The following NFYA variants were observed in gnomAD, a reference collection of about 807,000 sequenced individuals.
The protein encoded by NFYA is CAAT-box DNA binding protein subunit A.
In NFYA, 28 loss-of-function variants were observed where a neutral mutation model predicts 52.8. The observed-to-expected ratio is 0.53, with a 90% CI of 0.39 to 0.73. NFYA has a LOEUF of 0.73. NFYA is among the 30% of genes least tolerant of loss of function. The pLI is 0.00. For missense variants in NFYA, 234 were observed against 427.0 expected (o/e 0.55, Z 3.98); for synonymous variants, 150 against 150.7 (o/e 1.00, Z 0.03).
chr6:41,096,040 TCTC>T (rs1383417547), intron 9 of NFYA, among the ~76,000 whole-genome samples: 1 of 152,180 alleles, frequency 6.6e-6, no homozygotes, highest in African/African-American at 2.4e-5. Context: ...TAATCTCCAG[TCTC>T]CTCTAATTGG....
At chr6:41,073,551 C>T (rs1763610549) in intron 1 of NFYA, among the ~76,000 whole-genome samples, 1 of 152,108 alleles carries the variant, frequency 6.6e-6, no homozygotes, top group African/African-American at 2.4e-5. Flanking sequence ...GGAAGCCTCC[C>T]CGGGGCCCGC....
At chr6:41,074,869 T>G (rs1763691155) in intron 1 of NFYA, among the ~76,000 whole-genome samples, 1 of 152,210 alleles carries the variant, frequency 6.6e-6, no homozygotes, top group South Asian at 2.1e-4. Flanking sequence ...AGACTTGTCC[T>G]AGGACTCTGA....
At chr6:41,077,064 A>G (rs1010230711) in intron 1 of NFYA, among the ~76,000 whole-genome samples, 4 of 152,168 alleles carry the variant, frequency 2.6e-5, no homozygotes, top group African/African-American at 4.8e-5. Flanking sequence ...TACGTTACAT[A>G]TATTAGTCAT....
chr6:41,090,247 C>T lies in NFYA; in HGVS notation c.485C>T (p.Thr162Ile). ...GTCCAGGGACAGCAAGTGGCACAGA[C>T]TGCTGAAGGGCAGACCATCGTCTAT... ...IAVQGQQVAQTAEGQTIVYQP... is the reference protein window; with the variant it reads ...IAVQGQQVAQIAEGQTIVYQP... Residue 162 changes from threonine to isoleucine, a missense_variant, in exon 6 of 10, where the codon ACT (threonine) becomes ATT (isoleucine). By Grantham distance (89) the Thr-to-Ile change is moderately conservative (BLOSUM62 -1). Around this residue, in one of 3 missense-constraint regions of NFYA, gnomAD observed 81 missense variants for 210.5 expected, o/e 0.38. Coordinates refer to ENST00000341376, the MANE Select transcript of NFYA (RefSeq NM_002505.5). 1 of 1,614,026 alleles carries T rather than the reference C, an allele frequency of 6.2e-7. No homozygotes were observed. The highest frequency in any genetic ancestry group is 8.5e-7 in the Non-Finnish European group (1 of 1,179,936).
At chr6:41,084,983 G>A (rs936567736) in intron 4 of NFYA, among the ~76,000 whole-genome samples, 1 of 151,872 alleles carries the variant, frequency 6.6e-6, no homozygotes, top group African/African-American at 2.4e-5. Context: ...GAGATTAACA[G>A]AAATATGTAG....
Position 41,093,097 on chromosome 6 carries a change from A to G in NFYA, c.888+12A>G. On this transcript the variant is annotated intron_variant, in intron 8 of 9. Transcript: ENST00000341376. ...CAAAGGAGAGAAGGGTATGTATAAC[A>G]TTGGGAAGGATATAGGAAAGGAGAA... 6.2e-7 allele frequency: 1 copy of G among 1,611,888 alleles called. No homozygotes were observed. The highest frequency in any genetic ancestry group is 1.3e-5 in the African/African-American group (1 of 74,998).
intron 5 of NFYA, 52 bp downstream of exon 5, chr6:41,089,762 G>C (rs746866480): frequency 6.3e-7 from 1 of 1,587,076 alleles, no homozygotes; most frequent in South Asian, 1.1e-5. Context: ...GGAAGAGTCA[G>C]ATAACTGAGT....
At chr6:41,092,303 G>A (rs1356072876) in intron 7 of NFYA, among the ~76,000 whole-genome samples, 7 of 152,220 alleles carry the variant, frequency 4.6e-5, no homozygotes, top group Admixed American at 4.6e-4. Context: ...AATCCAGGAG[G>A]ATGGCTTAAG....
intron 4 of NFYA, among the ~76,000 whole-genome samples, chr6:41,085,065 CAA>C (rs1356864725): frequency 6.6e-6 from 1 of 151,270 alleles, no homozygotes; most frequent in Admixed American, 6.6e-5. Flanking sequence ...CAAAAAAAAA[CAA>C]AAAGTCATTA....
At chr6:41,080,377 G>C (rs1763873106) in intron 2 of NFYA, among the ~76,000 whole-genome samples, 1 of 152,120 alleles carries the variant, frequency 6.6e-6, no homozygotes, top group African/African-American at 2.4e-5. Context: ...GGTTCATAGT[G>C]ATTAATTACT....
chr6:41,081,384 G>GT (rs748105509), intron 3 of NFYA, among the ~76,000 whole-genome samples: 1 of 152,056 alleles, frequency 6.6e-6, no homozygotes, highest in Non-Finnish European at 1.5e-5. Context: ...CAGCTACTTG[G>GT]GAGGCTGGAG....
Position 41,093,051 on chromosome 6 carries a change from T to C in NFYA, c.854T>C (p.Leu285Pro). The stretch of plus-strand genomic sequence containing the variant: ...AAGAGGAGGCAAGCCCGAGCTAAAC[T>C]AGAGGCAGAAGGGAAAATTCCAAAG... ...ILKRRQARAK[L>P]EAEGKIPKER... The change falls in exon 8 of 10, where the codon CTA becomes CCA. Residue 285 changes from leucine to proline, a missense_variant. This residue lies in a region of NFYA where 81 missense variants were observed against 210.5 expected (regional missense o/e 0.38). Transcript: ENST00000341376. The C allele has an allele frequency of 6.2e-7, 1 of 1,614,040 alleles. No individual in the cohort carries two copies. Among genetic ancestry groups the C allele is most frequent in the Non-Finnish European group, 8.5e-7 (1 of 1,179,972 alleles).
chr6:41,090,377 T>G (rs1194130661), intron 6 of NFYA, 68 bp downstream of exon 6: 2 of 903,720 alleles, frequency 2.2e-6, no homozygotes, highest in Non-Finnish European at 3.6e-6. Context: ...ACAACTGACA[T>G]CTTTAGAATT....
Position 41,089,095 on chromosome 6 carries a change from G to A in NFYA, c.310-484G>A, listed in dbSNP as rs536021497. On this transcript the variant is annotated intron_variant, in intron 4 of 9. Transcript: ENST00000341376. ...CCGCCTCCGGTTCAAGTGATTTTCC[G>A]GCCTCAGTCTCCCAAGTAGCTGGGA... Among the ~76,000 whole-genome samples the A allele has an allele frequency of 7.9e-5, 12 of 151,824 alleles. No homozygotes were observed. In the East Asian group the frequency reaches 2.1e-3, roughly 27 times the overall value.
Position 41,100,032 on chromosome 6 carries a change from G to GT in NFYA, c.*2624dup, listed in dbSNP as rs1764456867. ...CTGGGTTCTAGTTTGTGTTTCCAGT[G>GT]TTGAAATTTTGATCTCCCCCGACAA... On this transcript the variant is annotated 3_prime_UTR_variant, in exon 10 of 10. Transcript: ENST00000341376. 2 of 152,152 alleles carry GT rather than the reference G, an allele frequency of 1.3e-5. No homozygotes were observed. Among genetic ancestry groups the GT allele is most frequent in the Non-Finnish European group, 2.9e-5 (2 of 68,036 alleles). 9.4% of individuals were successfully genotyped at this position (152,152 alleles called of 1,614,324 possible).
chr6:41,077,194 T>G (rs1763758077), intron 1 of NFYA, among the ~76,000 whole-genome samples: 1 of 152,166 alleles, frequency 6.6e-6, no homozygotes, highest in Non-Finnish European at 1.5e-5. Flanking sequence ...CTAAAAGACA[T>G]TCCTTTCATG....
At chr6:41,086,847 A>G (rs559845928) in intron 4 of NFYA, among the ~76,000 whole-genome samples, 53 of 152,322 alleles carry the variant, frequency 3.5e-4, no homozygotes, top group African/African-American at 1.3e-3. Flanking sequence ...TTCATACTGT[A>G]TTTTAAAAAA....
rs1561857764 is a variant in NFYA at position 41,097,437 on chromosome 6, A to G, written c.*27A>G. ...CCCACGCCATGTGATGGAGCTGATC[A>G]AGGTCATGTTTCTCACTGTTCCAGG... On this transcript the variant is annotated 3_prime_UTR_variant, in exon 10 of 10. Transcript: ENST00000341376. 2.5e-6 allele frequency: 4 copies of G among 1,611,334 alleles called. No homozygotes were observed. The highest frequency in any genetic ancestry group is 3.4e-6 in the Non-Finnish European group (4 of 1,177,868).
At chr6:41,074,866 TC>T (rs1477073560) in intron 1 of NFYA, among the ~76,000 whole-genome samples, 9 of 152,226 alleles carry the variant, frequency 5.9e-5, no homozygotes, top group Non-Finnish European at 8.8e-5. Flanking sequence ...AGGAGACTTG[TC>T]CTAGGACTCT....
Sources: allele counts gnomAD v4.1 joint callset (sites outside exome capture counted in the v4.1 genomes callset), GRCh38; gene constraint gnomAD v4.1.1; regional missense constraint gnomAD v4.1.1; transcripts MANE v1.5; gene names NCBI Gene and HGNC (gene_info 2026-07-23, HGNC 2026-07-21).